Variants in GAB2 observed in about 807,000 individuals in gnomAD.
The protein encoded by GAB2 is GRB2-associated-binding protein 2.
In GAB2, 26 loss-of-function variants were observed where a neutral mutation model predicts 65.5. The ratio of observed to expected loss-of-function variants is 0.40; its 90% CI spans 0.29 to 0.55. The LOEUF is 0.55. Ranked by LOEUF, GAB2 falls within the 20% of genes least tolerant of loss-of-function variation. GAB2 has a pLI of 0.53. For missense variants in GAB2, 884 were observed against 875.8 expected, an observed-to-expected ratio of 1.01 and a Z score of -0.12; for synonymous variants, 321 against 329.6, an observed-to-expected ratio of 0.97 and a Z score of 0.28.
At chr11:78,388,346 C>T (rs1565181612) in intron 1 of GAB2, among the ~76,000 whole-genome samples, 2 of 146,710 alleles carry the variant, frequency 1.4e-5, no homozygotes, top group African/African-American at 2.5e-5. Context: ...TGTTTTTTTG[C>T]GACAGGGTCT....
chr11:78,383,997 C>T (rs1035102028), intron 1 of GAB2, among the ~76,000 whole-genome samples: 25 of 152,202 alleles, frequency 1.6e-4, no homozygotes, highest in Admixed American at 4.6e-4. Flanking sequence ...AGCAGCGTGG[C>T]GACAGAGGCA....
chr11:78,312,297 C>T (rs1262458042), intron 1 of GAB2, among the ~76,000 whole-genome samples: 1 of 152,022 alleles, frequency 6.6e-6, no homozygotes, highest in Non-Finnish European at 1.5e-5. Flanking sequence ...ACCACCACCA[C>T]CACCACCACC....
At chr11:78,221,998 C>T (rs1008291133) in intron 7 of GAB2, 107 bp downstream of exon 7, 56 of 786,942 alleles carry the variant, frequency 7.1e-5, no homozygotes, top group Non-Finnish European at 1.0e-4. Context: ...CTAATGATAG[C>T]GTTAGCATCA....
chr11:78,307,742 T>C (rs1046260873), intron 1 of GAB2, among the ~76,000 whole-genome samples: 1 of 152,200 alleles, frequency 6.6e-6, no homozygotes, highest in African/African-American at 2.4e-5. Flanking sequence ...TGATATTCAA[T>C]GGAATAAAGT....
chr11:78,268,391 G>A (rs1188554530), intron 2 of GAB2, among the ~76,000 whole-genome samples: 1 of 152,150 alleles, frequency 6.6e-6, no homozygotes, highest in Admixed American at 6.5e-5. Context: ...ATAACCGGAT[G>A]TTTAATCGTA....
At chr11:78,250,045 G>T (rs1408482340) in intron 3 of GAB2, 112 bp downstream of exon 3, 2 of 1,113,366 alleles carry the variant, frequency 1.8e-6, no homozygotes, top group African/African-American at 1.6e-5. Flanking sequence ...AGACGTGTTT[G>T]TCTACCTGAA....
At chr11:78,370,144 C>T (rs949139380) in intron 1 of GAB2, among the ~76,000 whole-genome samples, 5 of 149,378 alleles carry the variant, frequency 3.3e-5, no homozygotes, top group Admixed American at 1.3e-4. Flanking sequence ...GTAGTCCCAG[C>T]TACTTGGGAG....
intron 1 of GAB2, chr11:78,341,988 C>T (rs1346524829): frequency 2.0e-6 from 1 of 512,516 alleles, no homozygotes; most frequent in Non-Finnish European, 2.5e-6. Context: ...TTGTGTTCCC[C>T]TCCCTATGGA....
rs528573203 is a variant in GAB2, at chr11:78,263,177, A to T, written c.377-12777T>A. ...ATTTAAGCTAAAACTGAAACCATCG[A>T]ATCCCAAATTTATGCTTTGAAATAA... is the stretch of plus-strand genomic sequence containing the variant. On this transcript the variant is annotated intron_variant, in intron 2 of 9. Transcript: ENST00000361507. Among the ~76,000 whole-genome samples the T allele has an allele frequency of 3.3e-5, 5 of 152,352 alleles. No homozygotes were observed. The South Asian group carries it at 1.0e-3, about 32-fold the overall frequency.
chr11:78,323,038 A>C (rs989090691), intron 1 of GAB2, among the ~76,000 whole-genome samples: 1 of 152,186 alleles, frequency 6.6e-6, no homozygotes, highest in African/African-American at 2.4e-5. Flanking sequence ...TTGCAGCACT[A>C]TTTACAACAG....
At chr11:78,244,038 A>G (rs1865220069) in intron 3 of GAB2, among the ~76,000 whole-genome samples, 1 of 152,220 alleles carries the variant, frequency 6.6e-6, no homozygotes, top group Admixed American at 6.5e-5. Flanking sequence ...AAGCAAAAAC[A>G]AAAAAGGGCC....
rs146954756 is a variant in GAB2 at position 78,257,457 on chromosome 11, C to A, written c.377-7057G>T. On this transcript the variant is annotated intron_variant, in intron 2 of 9. Transcript: ENST00000361507. ...CTGTAGCCTTGGATATGTTAATAAG[C>A]CTTTTTAATTCTCACTTGTTCAATA... Among the ~76,000 whole-genome samples the A allele has an allele frequency of 3.6e-4, 55 of 152,256 alleles. No individual in the cohort carries two copies. The East Asian group carries it at 0.01, about 28-fold the overall frequency.
chr11:78,302,625 C>T (rs1469779047), intron 1 of GAB2, among the ~76,000 whole-genome samples: 2 of 152,124 alleles, frequency 1.3e-5, no homozygotes, highest in Non-Finnish European at 2.9e-5. Context: ...GTGAAGATTC[C>T]TTGAAGAACT....
rs78282621 is a variant in GAB2, at chr11:78,415,680, A to C, written c.75+1966T>G. The stretch of plus-strand genomic sequence containing the variant: ...AAGGTACATGGAAGATGGGAAAGAG[A>C]GGCTAAGGCCATCATACGACTAGAT... On this transcript the variant is annotated intron_variant, in intron 1 of 9. Transcript: ENST00000361507. 1.7e-3 allele frequency among the ~76,000 whole-genome samples: 255 copies of C among 152,338 alleles called. 2 individuals are homozygous for C. In the East Asian group the frequency reaches 0.036, roughly 21 times the overall value.
chr11:78,254,317 A>G (rs1336237057), intron 2 of GAB2, among the ~76,000 whole-genome samples: 1 of 152,230 alleles, frequency 6.6e-6, no homozygotes, highest in Non-Finnish European at 1.5e-5. Context: ...CTGAAAAAAT[A>G]AAAGAATTTT....
chr11:78,232,881 A>AT (rs1412584984), intron 3 of GAB2, among the ~76,000 whole-genome samples: 2 of 152,180 alleles, frequency 1.3e-5, no homozygotes, highest in Non-Finnish European at 2.9e-5. Flanking sequence ...ATCTTACAGG[A>AT]TTACTTTGGA....
intron 5 of GAB2, 101 bp from the exon 6 acceptor site, chr11:78,223,777 T>C: frequency 1.0e-6 from 1 of 988,406 alleles, no homozygotes; most frequent in Middle Eastern, 2.3e-4. Context: ...CATGACTGGG[T>C]TAGCTATACT....
chr11:78,230,762 T>G (rs1158902826), intron 3 of GAB2, among the ~76,000 whole-genome samples: 1 of 152,248 alleles, frequency 6.6e-6, no homozygotes, highest in Admixed American at 6.5e-5. Context: ...GCAGGGAATT[T>G]GTTCTAGCAG....
intron 1 of GAB2, among the ~76,000 whole-genome samples, chr11:78,385,074 A>G (rs886844488): frequency 6.6e-6 from 1 of 152,240 alleles, no homozygotes; most frequent in Non-Finnish European, 1.5e-5. Flanking sequence ...ATCCTATAAT[A>G]TCGGTTTCTG....
Sources: gnomAD v4.1 joint callset for allele counts (sites outside exome capture counted in the v4.1 genomes callset) on GRCh38, gnomAD v4.1.1 for gene constraint, MANE v1.5 for transcripts, NCBI Gene and HGNC (gene_info 2026-07-23, HGNC 2026-07-21) for gene names.